Variants in GLI2 observed in about 807,000 individuals in gnomAD.
GLI2 encodes the protein transcription activator GLI2.
Under a neutral mutation model 78.9 loss-of-function variants are expected in GLI2, and 22 were observed. The observed-to-expected ratio is 0.28, with a 90% CI of 0.20 to 0.40. The LOEUF is 0.40. GLI2 is among the 10% of genes least tolerant of loss of function. The pLI is 1.00. For synonymous variants in GLI2, 974 were observed against 963.7 expected (o/e 1.01, Z -0.20); for missense variants, 2,097 against 2,213.2 (o/e 0.95, Z 1.05).
At chr2:120,830,378 G>A (rs1686298725) in intron 2 of GLI2, among the ~76,000 whole-genome samples, 1 of 152,258 alleles carries the variant, frequency 6.6e-6, no homozygotes, top group Non-Finnish European at 1.5e-5. Context: ...TAGGGCACAG[G>A]GTGAGTAGAG....
At chr2:120,823,645 G>A (rs6753400) in intron 2 of GLI2, among the ~76,000 whole-genome samples, 143,625 of 152,200 alleles carry the variant, frequency 0.94, 67,997 homozygotes, top group East Asian at 1. Flanking sequence ...TTGGAAGGCA[G>A]GGATCGGAAT....
rs977003501 is a variant in GLI2 at position 120,989,992 on chromosome 2, G to C, written c.4027G>C (p.Gly1343Arg). 1 of 1,610,180 alleles carries C rather than the reference G, an allele frequency of 6.2e-7. No individual in the cohort carries two copies. Among genetic ancestry groups the C allele is most frequent in the African/African-American group, 1.3e-5 (1 of 74,996 alleles). Reference sequence around the variant, plus strand: ...CATGGAGCCCCAAACAGGCCCGATGGGGGTGGCTACAGCAGGCTTTGGCCT... The same window carrying C: ...CATGGAGCCCCAAACAGGCCCGATGCGGGTGGCTACAGCAGGCTTTGGCCT... ...GFMEPQTGPMGVATAGFGLVQ... is the reference protein window; with the variant it reads ...GFMEPQTGPMRVATAGFGLVQ... The change falls in exon 14 of 14, where the codon GGG (glycine) becomes CGG (arginine). Residue 1343 changes from glycine (G) to arginine (R), a missense_variant. By Grantham distance (125) the Gly-to-Arg change is moderately radical. Around this residue, in one of 5 missense-constraint regions of GLI2, gnomAD observed 1,290 missense variants for 1,261.7 expected, o/e 1.02. Transcript: ENST00000361492.
At chr2:120,792,255 C>G (rs764159864) in intron 1 of GLI2, 2 of 152,244 alleles carry the variant, frequency 1.3e-5, no homozygotes, top group Non-Finnish European at 2.9e-5. Flanking sequence ...TTAACCTTTT[C>G]TGCGCCGTGG....
At chr2:120,881,337 G>A (rs1302179155) in intron 2 of GLI2, among the ~76,000 whole-genome samples, 3 of 150,260 alleles carry the variant, frequency 2.0e-5, no homozygotes, top group East Asian at 3.9e-4. Context: ...GAGGACAGGT[G>A]GGGAGGAGGA....
chr2:120,869,857 A>G (rs367852985), intron 2 of GLI2, among the ~76,000 whole-genome samples: 4 of 152,126 alleles, frequency 2.6e-5, no homozygotes, highest in African/African-American at 9.6e-5. Flanking sequence ...TCCAGGCTGC[A>G]GGGGGCCCTG....
intron 2 of GLI2, among the ~76,000 whole-genome samples, chr2:120,809,622 A>G (rs1384404169): frequency 6.6e-6 from 1 of 152,086 alleles, no homozygotes; most frequent in African/African-American, 2.4e-5. Context: ...CTGTGGCGGC[A>G]TGGGGGCCTG....
intron 3 of GLI2, among the ~76,000 whole-genome samples, chr2:120,946,865 C>T (rs567119502): frequency 6.6e-6 from 1 of 152,342 alleles, no homozygotes; most frequent in East Asian, 1.9e-4. Context: ...GAAGCGCCCT[C>T]AGGCCCCACA....
At chr2:120,834,054 C>T (rs754051025) in intron 2 of GLI2, among the ~76,000 whole-genome samples, 27 of 152,254 alleles carry the variant, frequency 1.8e-4, no homozygotes, top group Admixed American at 7.2e-4. Flanking sequence ...CTCAGTCCCC[C>T]GCCCCCAACC....
intron 2 of GLI2, among the ~76,000 whole-genome samples, chr2:120,816,512 T>A (rs1199916358): frequency 1.3e-5 from 2 of 152,132 alleles, no homozygotes; most frequent in Non-Finnish European, 2.9e-5. Context: ...GCTTTTTTAA[T>A]GTGGGTTATA....
At chr2:120,925,073 G>T (rs905494647) in intron 2 of GLI2, among the ~76,000 whole-genome samples, 5 of 152,190 alleles carry the variant, frequency 3.3e-5, no homozygotes, top group Admixed American at 6.5e-5. Context: ...AGCACCTGGT[G>T]GTCCCGTCAC....
chr2:120,823,457 A>C (rs976624795), intron 2 of GLI2, among the ~76,000 whole-genome samples: 1 of 152,192 alleles, frequency 6.6e-6, no homozygotes. Context: ...TCACTCGCCC[A>C]GTACACGCTG....
chr2:120,794,141 A>G (rs1239483151), intron 1 of GLI2, among the ~76,000 whole-genome samples: 2 of 152,176 alleles, frequency 1.3e-5, no homozygotes, highest in Non-Finnish European at 2.9e-5. Flanking sequence ...GTTGAGTAGG[A>G]CATGATCTGA....
At chr2:120,739,956 G>T (rs113181158) in intron 1 of GLI2, among the ~76,000 whole-genome samples, 18 of 152,292 alleles carry the variant, frequency 1.2e-4, no homozygotes, top group African/African-American at 3.9e-4. Flanking sequence ...TTGAGAAAGG[G>T]TCATCCGACA....
chr2:120,898,414 C>T (rs2104773270), intron 2 of GLI2, among the ~76,000 whole-genome samples: 1 of 152,216 alleles, frequency 6.6e-6, no homozygotes, highest in Middle Eastern at 3.4e-3. Flanking sequence ...TGGATGTGAG[C>T]GAGGGCTGCC....
chr2:120,881,615 AGGAC>A (rs1677133512), intron 2 of GLI2, among the ~76,000 whole-genome samples: 2 of 40,058 alleles, frequency 5.0e-5, no homozygotes, highest in East Asian at 9.1e-4. Context: ...GGCGGGGGGG[AGGAC>A]AGGTGGGGGA....
Position 120,990,350 on chromosome 2 carries a change from G to A in GLI2, c.4385G>A (p.Cys1462Tyr), listed in dbSNP as rs1281305560. 1.2e-6 allele frequency: 2 copies of A among 1,614,020 alleles called. No homozygotes were observed. Among genetic ancestry groups the A allele is most frequent in the Non-Finnish European group, 8.5e-7 (1 of 1,180,030 alleles). The change falls in exon 14 of 14, where the codon TGT becomes TAT. Residue 1462 changes from cysteine (C) to tyrosine (Y), a missense_variant. Cys to Tyr is a radical substitution (Grantham distance 194). This residue lies in a region of GLI2 where 1,290 missense variants were observed against 1,261.7 expected (regional missense o/e 1.02). Transcript: ENST00000361492. ...MRSQPPQPQA[C>Y]QDSIQPQPLP... The stretch of plus-strand genomic sequence containing the variant: ...TCCCAGCCACCACAGCCACAGGCCT[G>A]TCAGGACAGCATCCAGCCCCAGCCC...
intron 1 of GLI2, among the ~76,000 whole-genome samples, chr2:120,740,874 G>C (rs1682513883): frequency 6.6e-6 from 1 of 152,028 alleles, no homozygotes; most frequent in South Asian, 2.1e-4. Flanking sequence ...GAGGGAGGAG[G>C]GAGGGTGGCC....
At chr2:120,950,647 A>C (rs980887976) in intron 3 of GLI2, among the ~76,000 whole-genome samples, 3 of 152,244 alleles carry the variant, frequency 2.0e-5, no homozygotes, top group African/African-American at 7.2e-5. Context: ...AGATATTCCA[A>C]GATTTTAGTT....
intron 2 of GLI2, among the ~76,000 whole-genome samples, chr2:120,827,689 G>A (rs919916958): frequency 1.3e-5 from 2 of 152,200 alleles, no homozygotes; most frequent in Admixed American, 1.3e-4. Context: ...TGATACAGAG[G>A]GCTGTTATGC....
Sources: gnomAD v4.1 joint callset for allele counts (sites outside exome capture counted in the v4.1 genomes callset) on GRCh38, gnomAD v4.1.1 for gene constraint, gnomAD v4.1.1 regional missense constraint, MANE v1.5 for transcripts, NCBI Gene and HGNC (gene_info 2026-07-23, HGNC 2026-07-21) for gene names.